Variants in SLC39A11 observed in about 807,000 individuals in gnomAD.
The protein encoded by SLC39A11 is zinc transporter ZIP11.
SLC39A11 carries 33 observed loss-of-function variants against 36.1 expected under a neutral mutation model. The observed-to-expected ratio is 0.91, with a 90% CI of 0.69 to 1.22. The LOEUF is 1.22. SLC39A11 is among the 50% of genes most tolerant of loss of function. SLC39A11 has a pLI of 0.00. For synonymous variants in SLC39A11, 166 were observed against 170.3 expected (o/e 0.97, Z 0.20); for missense variants, 432 against 430.3 (o/e 1.00, Z -0.03).
rs182661500 is a variant in SLC39A11, at chr17:73,031,057, G to A, written c.306+499C>T. On this transcript the variant is annotated intron_variant, in intron 4 of 9. Transcript: ENST00000255559. ...TTAAAGGATGGAAAACTAGAGCTCAGGGATATACAATCAGTAAATGGCAGG... is the reference window on the plus strand; with the variant it reads ...TTAAAGGATGGAAAACTAGAGCTCAAGGATATACAATCAGTAAATGGCAGG... Among the ~76,000 whole-genome samples the A allele has an allele frequency of 1.5e-4, 23 of 152,318 alleles. 1 individual carries two copies. In the East Asian group the frequency reaches 4.4e-3, roughly 29 times the overall value.
At chr17:73,063,664 T>G (rs376775262) in intron 3 of SLC39A11, among the ~76,000 whole-genome samples, 4 of 152,070 alleles carry the variant, frequency 2.6e-5, no homozygotes, top group African/African-American at 9.7e-5. Context: ...GCCACAAGAT[T>G]ATTGCAAGGG....
chr17:73,026,440 G>A (rs558827890), intron 4 of SLC39A11, among the ~76,000 whole-genome samples: 2 of 151,294 alleles, frequency 1.3e-5, no homozygotes, highest in Admixed American at 6.6e-5. Context: ...GCCTGAACCC[G>A]GGAGGGAGGC....
intron 6 of SLC39A11, among the ~76,000 whole-genome samples, chr17:72,844,036 A>C (rs1280454775): frequency 6.6e-6 from 1 of 152,206 alleles, no homozygotes; most frequent in Non-Finnish European, 1.5e-5. Context: ...CTTCAAAAAA[A>C]AAAATCGATT....
intron 4 of SLC39A11, among the ~76,000 whole-genome samples, chr17:72,951,947 G>C (rs114411386): frequency 6.6e-6 from 1 of 151,714 alleles, no homozygotes; most frequent in Admixed American, 6.6e-5. Flanking sequence ...GCTTTATTTC[G>C]GCGTTTTCGG....
intron 4 of SLC39A11, among the ~76,000 whole-genome samples, chr17:73,004,155 G>C (rs1317773803): frequency 8.1e-6 from 1 of 123,488 alleles, no homozygotes; most frequent in African/African-American, 3.1e-5. Context: ...AAGAAAGAAA[G>C]AAGGAAAAAA....
At chr17:72,701,939 C>T (rs1010392264) in intron 7 of SLC39A11, among the ~76,000 whole-genome samples, 1 of 152,172 alleles carries the variant, frequency 6.6e-6, no homozygotes, top group Non-Finnish European at 1.5e-5. Flanking sequence ...GACCCCATCT[C>T]TATAGAATGT....
chr17:73,054,233 A>G (rs368303564), intron 3 of SLC39A11, among the ~76,000 whole-genome samples: 1 of 151,956 alleles, frequency 6.6e-6, no homozygotes, highest in East Asian at 1.9e-4. Flanking sequence ...TTGGTAGCGC[A>G]TGCCTGTAGT....
intron 7 of SLC39A11, among the ~76,000 whole-genome samples, chr17:72,657,351 T>A (rs1173977071): frequency 6.6e-6 from 1 of 152,060 alleles, no homozygotes; most frequent in East Asian, 1.9e-4. Context: ...CAGAGTGAGA[T>A]TCTGCCTCAA....
At chr17:72,776,878 C>T (rs2076155454) in intron 6 of SLC39A11, among the ~76,000 whole-genome samples, 1 of 152,212 alleles carries the variant, frequency 6.6e-6, no homozygotes, top group African/African-American at 2.4e-5. Context: ...TCACCAAGTC[C>T]CCTCCTGCCT....
At chr17:73,071,979 C>T (rs979550352) in intron 3 of SLC39A11, among the ~76,000 whole-genome samples, 11 of 152,040 alleles carry the variant, frequency 7.2e-5, no homozygotes, top group African/African-American at 2.7e-4. Context: ...AACGAAAGAA[C>T]GAATGAATAA....
At chr17:72,707,178 C>T (rs1490038394) in intron 7 of SLC39A11, among the ~76,000 whole-genome samples, 2 of 152,106 alleles carry the variant, frequency 1.3e-5, no homozygotes, top group Admixed American at 6.6e-5. Context: ...AGCAGGAGGA[C>T]TGCTTGAGCC....
chr17:73,031,593 G>A lies in SLC39A11; in HGVS notation c.269C>T (p.Ala90Val), dbSNP rs1481423925. The A allele has an allele frequency of 1.9e-6, 3 of 1,614,188 alleles. No individual in the cohort carries two copies. The highest frequency in any genetic ancestry group is 1.7e-6 in the Non-Finnish European group (2 of 1,180,044). ...PVAVGFTLGA[A>V]FVYLADLLMP... ...CAGGAGGTCAGCCAAGTAGACAAAA[G>A]CCGCTCCAAGGGTGAAGCCAACAGC... Residue 90 changes from alanine to valine, a missense_variant, in exon 4 of 10, where the codon GCT (alanine) becomes GTT (valine). Transcript: ENST00000255559.
intron 4 of SLC39A11, among the ~76,000 whole-genome samples, chr17:72,956,043 TAA>T (rs898700530): frequency 1.3e-5 from 2 of 152,072 alleles, no homozygotes; most frequent in African/African-American, 4.8e-5. Flanking sequence ...CTTTCTGGCA[TAA>T]ATAGTCAGAG....
At chr17:73,010,843 T>TC (rs1255430125) in intron 4 of SLC39A11, among the ~76,000 whole-genome samples, 14 of 152,374 alleles carry the variant, frequency 9.2e-5, no homozygotes, top group African/African-American at 3.1e-4. Context: ...GGCATGGATC[T>TC]GCTCCCCAAA....
intron 7 of SLC39A11, among the ~76,000 whole-genome samples, chr17:72,686,123 A>T (rs1418770367): frequency 6.6e-6 from 1 of 152,040 alleles, no homozygotes; most frequent in Non-Finnish European, 1.5e-5. Context: ...ATCTGGACTT[A>T]TCACAAGGTA....
chr17:72,900,144 G>GAAAGAAAGA (rs1567912095), intron 5 of SLC39A11, among the ~76,000 whole-genome samples: 1 of 19,024 alleles, frequency 5.3e-5, no homozygotes, highest in East Asian at 3.2e-3. Flanking sequence ...GAAAGAAAAA[G>GAAAGAAAGA]AAAGAAAGAA....
At chr17:72,883,155 A>C (rs1388501425) in intron 5 of SLC39A11, among the ~76,000 whole-genome samples, 1 of 152,168 alleles carries the variant, frequency 6.6e-6, no homozygotes, top group Non-Finnish European at 1.5e-5. Context: ...TGCATCCTTA[A>C]GGCATACTGG....
chr17:72,796,882 T>C (rs1304204883), intron 6 of SLC39A11, among the ~76,000 whole-genome samples: 1 of 152,098 alleles, frequency 6.6e-6, no homozygotes, highest in Non-Finnish European at 1.5e-5. Flanking sequence ...TTTTCAAAGT[T>C]ACCTGTGGGC....
At chr17:73,050,411 G>A (rs937135302) in intron 3 of SLC39A11, among the ~76,000 whole-genome samples, 12 of 148,352 alleles carry the variant, frequency 8.1e-5, no homozygotes, top group African/African-American at 3.0e-4. Context: ...GGGTCCTCAT[G>A]GGCCATGAGG....
Sources: gnomAD v4.1 joint callset for allele counts (sites outside exome capture counted in the v4.1 genomes callset) on GRCh38, gnomAD v4.1.1 for gene constraint, MANE v1.5 for transcripts, NCBI Gene and HGNC (gene_info 2026-07-23, HGNC 2026-07-21) for gene names.